ZNF99: variants seen among roughly 807,000 people sequenced by gnomAD.
ZNF99 encodes zinc finger protein 99.
A neutral mutation model predicts 12.8 loss-of-function variants in ZNF99; 8 were observed. The observed-to-expected ratio is 0.62, with a 90% CI of 0.37 to 1.13. The LOEUF (loss-of-function observed/expected upper bound fraction) is 1.13. Among genes scored for constraint, ZNF99 ranks in the 50% most tolerant of loss-of-function variants. The pLI is 0.02. For missense variants in ZNF99, 1,007 were observed against 1,006.2 expected (o/e 1.00, Z -0.01); for synonymous variants, 318 against 319.0 (o/e 1.00, Z 0.03).
rs1183296169 is a variant in ZNF99 at position 22,756,922 on chromosome 19, C to A, written c.*392G>T. The A allele has an allele frequency of 6.9e-6, 11 of 1,597,302 alleles. No individual in the cohort carries two copies. The highest frequency in any genetic ancestry group is 9.4e-6 in the Non-Finnish European group (11 of 1,171,144). ...ACCTTATGTTCCATAAGTTTTGAGA[C>A]CACTTAAAAGCTTTACCACATTCTT... On this transcript the variant is annotated 3_prime_UTR_variant, in exon 4 of 4. Transcript: ENST00000596209.
chr19:22,778,011 C>T (rs139489769), intron 1 of ZNF99, among the ~76,000 whole-genome samples: 7,199 of 79,586 alleles, frequency 0.09, 386 homozygotes, highest in African/African-American at 0.22. Flanking sequence ...CAGGGCCTGT[C>T]GTGGGGTGGG....
At chr19:22,781,850 G>A (rs1194397117) in intron 1 of ZNF99, among the ~76,000 whole-genome samples, 4 of 151,498 alleles carry the variant, frequency 2.6e-5, no homozygotes, top group African/African-American at 9.7e-5. Flanking sequence ...CCCAGGACCA[G>A]GGAAAAAACT....
chr19:22,781,537 A>C (rs2145162589), intron 1 of ZNF99, among the ~76,000 whole-genome samples: 2 of 151,368 alleles, frequency 1.3e-5, no homozygotes, highest in East Asian at 3.9e-4. Flanking sequence ...AGGGGGCAGA[A>C]ATTATTTCTG....
chr19:22,772,671 C>G lies in ZNF99; in HGVS notation c.4-3347G>C, dbSNP rs1437344620. 1.1e-3 allele frequency among the ~76,000 whole-genome samples: 166 copies of G among 147,182 alleles called. 1 individual carries two copies. The highest frequency in any genetic ancestry group is 3.4e-4 in the Non-Finnish European group (23 of 66,816). Reference sequence around the variant, plus strand: ...CAGCCTGGGCAACAAGAACGAAATTCTGTCTCAAAAAAAAAAAAAAAGACA... The same window carrying G: ...CAGCCTGGGCAACAAGAACGAAATTGTGTCTCAAAAAAAAAAAAAAAGACA... On this transcript the variant is annotated intron_variant, in intron 1 of 3. Coordinates refer to ENST00000596209, the MANE Select transcript of ZNF99 (RefSeq NM_001080409.3).
In ZNF99 at chr19:22,757,708, T is replaced by G; in HGVS notation, c.2201A>C (p.Lys734Thr). ...EIIHTGEKPY[K>T]CEECGKAFKW... ...AAAAGCTTTACCACATTCTTCACAT[T>G]TGTAGGGTTTCTCTCCAGTATGAAT... Residue 734 changes from lysine (K) to threonine (T), a missense_variant, in exon 4 of 4, where the codon AAA becomes ACA. By Grantham distance (78) the Lys-to-Thr change is moderately conservative. Transcript: ENST00000596209. The G allele has an allele frequency of 6.2e-7, 1 of 1,612,198 alleles. No individual in the cohort carries two copies. Among genetic ancestry groups the G allele is most frequent in the Non-Finnish European group, 8.5e-7 (1 of 1,179,692 alleles).
intron 1 of ZNF99, among the ~76,000 whole-genome samples, chr19:22,782,474 G>C (rs139720576): frequency 3.7e-4 from 56 of 150,366 alleles, no homozygotes; most frequent in African/African-American, 1.3e-3. Context: ...TCCTGCCTCA[G>C]CCCCACGAGT....
chr19:22,769,442 C>T, intron 1 of ZNF99, 118 bp from the exon 2 acceptor site: 1 of 1,140,412 alleles, frequency 8.8e-7, no homozygotes, highest in Non-Finnish European at 1.2e-6. Context: ...ACAGGGATGA[C>T]TGAACGTATT....
At position 22,754,464 on chromosome 19, in the gene ZNF99, A is replaced by T. The variant is rs1230356626; in HGVS notation, c.*2850T>A. On this transcript the variant is annotated 3_prime_UTR_variant, in exon 4 of 4. Coordinates refer to ENST00000596209, the MANE Select transcript of ZNF99 (RefSeq NM_001080409.3). ...GTAATAAGGGTTGAAATGTTTTTAA[A>T]GCTTTTGTCACATTCTTCATATTTA... 1.2e-5 allele frequency: 5 copies of T among 407,392 alleles called. No individual in the cohort carries two copies. Among genetic ancestry groups the T allele is most frequent in the South Asian group, 7.3e-5 (4 of 55,002 alleles). The allele number at this position is 407,392 out of a possible 1,614,324, so 25.2% of individuals were successfully genotyped here.
In ZNF99 at chr19:22,769,271, T is replaced by C. The variant is rs775924328; in HGVS notation, c.57A>G (p.Gln19=). 5.6e-6 allele frequency: 9 copies of C among 1,610,402 alleles called. No homozygotes were observed. The East Asian group carries it at 6.7e-5, about 12-fold the overall frequency. The change falls in exon 2 of 4, where the codon CAA becomes CAG. Residue 19 remains glutamine, a synonymous_variant. Transcript: ENST00000596209. ...AATTCTGCTGAGCCATGTCCAGGCA[T>C]TGCCACTCCTCCAGAGCGAATTCTA... is the stretch of plus-strand genomic sequence containing the variant. The part of the protein sequence containing the change: ...VTIEFALEEW[Q]CLDMAQQNLY...
At chr19:22,781,403 C>CTTTTTTTTTT (rs35970718) in intron 1 of ZNF99, among the ~76,000 whole-genome samples, 44 of 87,930 alleles carry the variant, frequency 5.0e-4, no homozygotes, top group East Asian at 2.0e-3. Context: ...ATTGGGGTCA[C>CTTTTTTTTTT]TTTTTTTTTT....
At chr19:22,768,281 T>C (rs1460226065) in intron 3 of ZNF99, 24 bp downstream of exon 3, 1 of 1,612,740 alleles carries the variant, frequency 6.2e-7, no homozygotes, top group African/African-American at 1.3e-5. Context: ...ATTTGTGTTG[T>C]TTCTTGTATT....
Position 22,757,816 on chromosome 19 carries a change from A to T in ZNF99, c.2093T>A (p.Ile698Asn). Residue 698 changes from isoleucine (I) to asparagine (N), a missense_variant, in exon 4 of 4, where the codon ATT (isoleucine) becomes AAT (asparagine). Physicochemically the swap from Ile to Asn is moderately radical, Grantham distance 149. Coordinates refer to ENST00000596209, the MANE Select transcript of ZNF99 (RefSeq NM_001080409.3). ...TTTGTAGGGTTTCTTTCCAGTATGA[A>T]TTATCTTATGTTTCCTAAGGGCTGA... ...HFSALRKHKI[I>N]HTGKKPYKCE... The T allele has an allele frequency of 6.2e-7, 1 of 1,612,574 alleles. No individual in the cohort carries two copies. The highest frequency in any genetic ancestry group is 8.5e-7 in the Non-Finnish European group (1 of 1,179,596).
rs1454106374 is a variant in ZNF99, at chr19:22,752,969, T to C, written c.*4345A>G. 6.6e-6 allele frequency: 1 copy of C among 152,132 alleles called. No homozygotes were observed. Among genetic ancestry groups the C allele is most frequent in the Admixed American group, 6.5e-5 (1 of 15,280 alleles). 9.4% of individuals were successfully genotyped at this position (152,132 alleles called of 1,614,324 possible). A position where few individuals can be genotyped will look rare whatever the true frequency, so the allele number is the denominator to read the frequency against. ...TTTTATCATGCATTTTATATTTTAA[T>C]ATCCTTTCTCTTTTATGAAAAAGGT... On this transcript the variant is annotated 3_prime_UTR_variant, in exon 4 of 4. Transcript: ENST00000596209.
chr19:22,753,325 T>C lies in ZNF99; in HGVS notation c.*3989A>G, dbSNP rs536042073. ...TTTTACTCAACACTCTGATTTAGTGTAGTCTGAAGTGCCAGTGCCTTATCA... is the reference window on the plus strand; with the variant it reads ...TTTTACTCAACACTCTGATTTAGTGCAGTCTGAAGTGCCAGTGCCTTATCA... On this transcript the variant is annotated 3_prime_UTR_variant, in exon 4 of 4. Transcript: ENST00000596209. The C allele has an allele frequency of 1.6e-3, 237 of 152,258 alleles. 1 individual carries two copies. The highest frequency in any genetic ancestry group is 5.5e-3 in the African/African-American group (227 of 41,580). 9.4% of individuals were successfully genotyped at this position (152,258 alleles called of 1,614,324 possible). A position where few individuals can be genotyped will look rare whatever the true frequency, so the allele number is the denominator to read the frequency against.
intron 1 of ZNF99, among the ~76,000 whole-genome samples, chr19:22,772,601 C>T (rs994506691): frequency 4.0e-5 from 6 of 150,904 alleles, no homozygotes; most frequent in African/African-American, 1.2e-4. Context: ...CACCTGAACC[C>T]GGGAGGCAGG....
At chr19:22,779,311 G>T (rs4614859) in intron 1 of ZNF99, among the ~76,000 whole-genome samples, 1 of 151,960 alleles carries the variant, frequency 6.6e-6, no homozygotes, top group Non-Finnish European at 1.5e-5. Context: ...GGATCAAAAG[G>T]TCAGGAGTTC....
chr19:22,783,367 C>T (rs980220077), intron 1 of ZNF99, among the ~76,000 whole-genome samples: 1 of 151,840 alleles, frequency 6.6e-6, no homozygotes, highest in African/African-American at 2.4e-5. Flanking sequence ...TCAGGCTTAA[C>T]CAACTATAAA....
chr19:22,778,080 T>C (rs763718933), intron 1 of ZNF99, among the ~76,000 whole-genome samples: 8 of 149,804 alleles, frequency 5.3e-5, no homozygotes, highest in Admixed American at 2.0e-4. Context: ...AGTTAACGGG[T>C]GCAGCACACC....
chr19:22,772,274 A>T (rs1456580680), intron 1 of ZNF99, among the ~76,000 whole-genome samples: 1 of 152,206 alleles, frequency 6.6e-6, no homozygotes, highest in Non-Finnish European at 1.5e-5. Context: ...TTGATTATTG[A>T]TTGGATATAC....
Sources: allele counts gnomAD v4.1 joint callset (sites outside exome capture counted in the v4.1 genomes callset), GRCh38; gene constraint gnomAD v4.1.1; transcripts MANE v1.5; gene names NCBI Gene and HGNC (gene_info 2026-07-23, HGNC 2026-07-21).